Variants in ATG4D observed in about 807,000 individuals in gnomAD.
ATG4D encodes the protein autophagy related 4D cysteine peptidase.
In ATG4D, 51 loss-of-function variants were observed where a neutral mutation model predicts 55.2. That is an observed-to-expected ratio of 0.92 (90% confidence interval 0.74 to 1.17). ATG4D has a LOEUF of 1.17. Among genes scored for constraint, ATG4D ranks in the 50% most tolerant of loss-of-function variants. The pLI is 0.00. For missense variants in ATG4D, 635 were observed against 649.6 expected (o/e 0.98, Z 0.25); for synonymous variants, 268 against 266.2 (o/e 1.01, Z -0.07).
chr19:10,544,419 C>T, intron 1 of ATG4D, 94 bp downstream of exon 1: 1 of 1,164,440 alleles, frequency 8.6e-7, no homozygotes, highest in Non-Finnish European at 1.1e-6. Context: ...TGTTCCCGTC[C>T]TGAGTCACCT....
rs781286935 is a variant in ATG4D at position 10,546,922 on chromosome 19, C to G, written c.577C>G (p.Arg193Gly). 1.9e-6 allele frequency: 3 copies of G among 1,612,312 alleles called. No individual in the cohort carries two copies. In the South Asian group the frequency reaches 3.3e-5, roughly 18 times the overall value. Residue 193 changes from arginine (R) to glycine (G), a missense_variant, in exon 4 of 10, where the codon CGC becomes GGC. Transcript: ENST00000309469. The stretch of plus-strand genomic sequence containing the variant: ...TCCCAGCCGGTACCATGGGCCTGCC[C>G]GCTGGATGCCCCCACGCTGGGCCCA... Reference protein sequence around the residue: ...ASPSRYHGPARWMPPRWAQGA... With the variant: ...ASPSRYHGPAGWMPPRWAQGA...
At position 10,544,068 on chromosome 19, in the gene ATG4D, CG is replaced by C. The variant is rs1422858202; in HGVS notation, c.-21del. The C allele has an allele frequency of 8.1e-7, 1 of 1,231,322 alleles. No homozygotes were observed. The highest frequency in any genetic ancestry group is 1.0e-6 in the Non-Finnish European group (1 of 982,852). 76.3% of individuals were successfully genotyped at this position (1,231,322 alleles called of 1,614,324 possible). ...GGCCGCAGCCCCCCACCTGGGCCCT[CG>C]GTCCGCCCTCCCGGCGCGTCCATGA... On this transcript the variant is annotated 5_prime_UTR_variant, in exon 1 of 10. Coordinates refer to ENST00000309469, the MANE Select transcript of ATG4D (RefSeq NM_032885.6).
In ATG4D at chr19:10,546,916, C is replaced by T. The variant is rs144189121; in HGVS notation, c.571C>T (p.Pro191Ser). 2.3e-5 allele frequency: 37 copies of T among 1,612,052 alleles called. No homozygotes were observed. The African/African-American group carries it at 4.5e-4, about 20-fold the overall frequency. ...GSASPSRYHG[P>S]ARWMPPRWAQ... Reference sequence around the variant, plus strand: ...AGCCTCTCCCAGCCGGTACCATGGGCCTGCCCGCTGGATGCCCCCACGCTG... The same window carrying T: ...AGCCTCTCCCAGCCGGTACCATGGGTCTGCCCGCTGGATGCCCCCACGCTG... The change falls in exon 4 of 10, where the codon CCT becomes TCT. Residue 191 changes from proline to serine, a missense_variant. Pro to Ser is a moderately conservative substitution (Grantham distance 74, BLOSUM62 -1). Transcript: ENST00000309469.
rs1916356092 is a variant in ATG4D at position 10,553,149 on chromosome 19, A to G, written c.*82A>G. 3 of 1,445,722 alleles carry G rather than the reference A, an allele frequency of 2.1e-6. No individual in the cohort carries two copies. Among genetic ancestry groups the G allele is most frequent in the Non-Finnish European group, 2.8e-6 (3 of 1,088,940 alleles). The allele number at this position is 1,445,722 out of a possible 1,614,324, so 89.6% of individuals were successfully genotyped here. On this transcript the variant is annotated 3_prime_UTR_variant, in exon 10 of 10. Transcript: ENST00000309469. ...CGGGTGTGGGATCTTGAGCTCTGGC[A>G]GTGATGATGGTACTTCCTGTTGTCA...
chr19:10,551,465 C>T (rs1916224660), intron 6 of ATG4D, among the ~76,000 whole-genome samples: 1 of 151,456 alleles, frequency 6.6e-6, no homozygotes, highest in Non-Finnish European at 1.5e-5. Context: ...GAGGCCGAGA[C>T]GGGCAGATCA....
Position 10,552,201 on chromosome 19 carries a change from CCA to C in ATG4D, c.1123-3_1123-2del. 6.2e-7 allele frequency: 1 copy of C among 1,612,170 alleles called. No homozygotes were observed. Among genetic ancestry groups the C allele is most frequent in the South Asian group, 1.1e-5 (1 of 91,082 alleles). On this transcript the variant is annotated splice_acceptor_variant and splice_polypyrimidine_tract_variant and intron_variant, in intron 8 of 9. Coordinates refer to ENST00000309469, the MANE Select transcript of ATG4D (RefSeq NM_032885.6). LOFTEE classifies it high-confidence loss of function. Reference sequence around the variant, plus strand: ...TCTGAGCCTTCCTCGTCTGTCTGCCCCAGTCCTTCCACTGCACCTCGCCCCGC... The same window carrying C: ...TCTGAGCCTTCCTCGTCTGTCTGCCCGTCCTTCCACTGCACCTCGCCCCGC...
In ATG4D at chr19:10,547,063, G is replaced by C; in HGVS notation, c.718G>C (p.Gly240Arg). ...GCTGGTGGAGCTTGGGCAGAGCTCA[G>C]GCAAGAAGGCAGGTGACTGGTATGG... ...HRLVELGQSS[G>R]KKAGDWYGPS... The change falls in exon 4 of 10, where the codon GGC (glycine) becomes CGC (arginine). Residue 240 changes from glycine to arginine, a missense_variant. Transcript: ENST00000309469. The C allele has an allele frequency of 6.3e-7, 1 of 1,590,570 alleles. No individual in the cohort carries two copies. Among genetic ancestry groups the C allele is most frequent in the Non-Finnish European group, 8.5e-7 (1 of 1,170,150 alleles).
At chr19:10,545,444 C>T (rs1390856134) in intron 3 of ATG4D, among the ~76,000 whole-genome samples, 4 of 151,396 alleles carry the variant, frequency 2.6e-5, no homozygotes, top group South Asian at 2.1e-4. Flanking sequence ...TGGTGGCACA[C>T]GCCTGTAATC....
At chr19:10,552,004 A>AC (rs1916265739) in intron 7 of ATG4D, 29 bp downstream of exon 7, 10 of 675,864 alleles carry the variant, frequency 1.5e-5, no homozygotes, top group South Asian at 9.1e-5. Context: ...CACTCCTCCC[A>AC]CCCCCCACCG....
intron 1 of ATG4D, among the ~76,000 whole-genome samples, 190 bp downstream of exon 1, chr19:10,544,515 T>C (rs184933786): frequency 6.7e-4 from 102 of 152,262 alleles, no homozygotes; most frequent in African/African-American, 2.4e-3. Context: ...CTGTGTGACC[T>C]TGGGCAAGAT....
At chr19:10,548,118 C>T (rs1448950985) in intron 5 of ATG4D, among the ~76,000 whole-genome samples, 5 of 139,054 alleles carry the variant, frequency 3.6e-5, no homozygotes, top group Non-Finnish European at 1.5e-5. Flanking sequence ...GCAACCTCCG[C>T]CTCCTGAGTT....
At position 10,544,125 on chromosome 19, in the gene ATG4D, G is replaced by T; in HGVS notation, c.35G>T (p.Arg12Leu). 2 of 1,243,138 alleles carry T rather than the reference G, an allele frequency of 1.6e-6. No homozygotes were observed. The highest frequency in any genetic ancestry group is 2.0e-6 in the Non-Finnish European group (2 of 986,356). The allele number at this position is 1,243,138 out of a possible 1,614,324, so 77.0% of individuals were successfully genotyped here. The change falls in exon 1 of 10, where the codon CGG becomes CTG. Residue 12 changes from arginine to leucine, a missense_variant. By Grantham distance (102) the Arg-to-Leu change is moderately radical (BLOSUM62 -2). Coordinates refer to ENST00000309469, the MANE Select transcript of ATG4D (RefSeq NM_032885.6). ...GTGTCGCCGGCCGCCGCGCAGTACC[G>T]GAGCAGCAGCCCGGAGGACGCGCGC... is the stretch of plus-strand genomic sequence containing the variant. ...NSVSPAAAQY[R>L]SSSPEDARRR...
intron 3 of ATG4D, among the ~76,000 whole-genome samples, chr19:10,546,533 T>TA (rs1916034229): frequency 6.6e-6 from 1 of 151,390 alleles, no homozygotes; most frequent in Non-Finnish European, 1.5e-5. Flanking sequence ...TTTTTTTTTT[T>TA]ATCAGAGAAG....
Position 10,546,849 on chromosome 19 carries a change from G to A in ATG4D, c.504G>A (p.Trp168Ter), listed in dbSNP as rs2144685989. The A allele has an allele frequency of 6.3e-7, 1 of 1,587,972 alleles. No homozygotes were observed. Among genetic ancestry groups the A allele is most frequent in the Non-Finnish European group, 8.6e-7 (1 of 1,164,590 alleles). Residue 168 changes from tryptophan to a stop codon, truncating the protein, a stop_gained, in exon 4 of 10, where the codon TGG becomes TGA. Coordinates refer to ENST00000309469, the MANE Select transcript of ATG4D (RefSeq NM_032885.6). LOFTEE classifies it high-confidence loss of function. ...LLHFLPRDWT[W>*]AEGMGLGPPE... ...GCTCCATTCCACCAGACTGGACATG[G>A]GCCGAGGGCATGGGCCTGGGCCCCC...
chr19:10,544,258 G>A lies in ATG4D; in HGVS notation c.168G>A (p.Pro56=), dbSNP rs748739619. The part of the protein sequence containing the change: ...GPALGSPGAG[P]SEPDEVDKFK... ...CTCTTGGCTCTCCCGGGGCTGGCCC[G>A]AGTGAGCCGGACGAAGTGGACAAGT... Residue 56 remains proline, a synonymous_variant, in exon 1 of 10, where the codon CCG becomes CCA. Transcript: ENST00000309469. 5 of 1,267,506 alleles carry A rather than the reference G, an allele frequency of 3.9e-6. No homozygotes were observed. Among genetic ancestry groups the A allele is most frequent in the Middle Eastern group, 2.1e-4 (1 of 4,782 alleles). 78.5% of individuals were successfully genotyped at this position (1,267,506 alleles called of 1,614,324 possible).
chr19:10,545,466 C>T (rs1020767653), intron 3 of ATG4D, among the ~76,000 whole-genome samples: 1 of 150,980 alleles, frequency 6.6e-6, no homozygotes, highest in Non-Finnish European at 1.5e-5. Context: ...CAGCTACTCC[C>T]GAGGCTGAGG....
At position 10,553,103 on chromosome 19, in the gene ATG4D, ATTT is replaced by A. The variant is rs546774525; in HGVS notation, c.*41_*43del. The stretch of plus-strand genomic sequence containing the variant: ...TGAGGGGAAAGATACAACACTATTT[ATTT>A]TTTTATTTATGTCATGTCGGGTGTG... On this transcript the variant is annotated 3_prime_UTR_variant, in exon 10 of 10. Coordinates refer to ENST00000309469, the MANE Select transcript of ATG4D (RefSeq NM_032885.6). The A allele has an allele frequency of 3.9e-4, 609 of 1,548,372 alleles. 3 individuals carry two copies. The Admixed American group carries it at 0.011, about 28-fold the overall frequency.
chr19:10,553,238 C>T lies in ATG4D; in HGVS notation c.*171C>T, dbSNP rs1916362537. On this transcript the variant is annotated 3_prime_UTR_variant, in exon 10 of 10. Transcript: ENST00000309469. ...AGCCAGGGACAGAGCCCACAGAGCC[C>T]ATACACCTGTCTCCCACCAGCGGGG... is the stretch of plus-strand genomic sequence containing the variant. 1 of 841,216 alleles carries T rather than the reference C, an allele frequency of 1.2e-6. No homozygotes were observed. The highest frequency in any genetic ancestry group is 1.7e-5 in the African/African-American group (1 of 58,534). 52.1% of individuals were successfully genotyped at this position (841,216 alleles called of 1,614,324 possible).
At chr19:10,551,043 C>T (rs765900746) in intron 6 of ATG4D, 6 of 152,256 alleles carry the variant, frequency 3.9e-5, no homozygotes, top group South Asian at 2.1e-4. Context: ...GGGGGTTTTC[C>T]AGTGAGAACC....
Sources: allele counts gnomAD v4.1 joint callset (sites outside exome capture counted in the v4.1 genomes callset), GRCh38; gene constraint gnomAD v4.1.1; transcripts MANE v1.5; gene names NCBI Gene and HGNC (gene_info 2026-07-23, HGNC 2026-07-21).